Variants in CSKMT observed in about 807,000 individuals in gnomAD.
CSKMT encodes citrate synthase-lysine N-methyltransferase CSKMT, mitochondrial.
Under a neutral mutation model 4.6 loss-of-function variants are expected in CSKMT, and 6 were observed. That is an observed-to-expected ratio of 1.31 (90% confidence interval 0.72 to 2.59). CSKMT has a LOEUF of 2.59. CSKMT is among the 30% of genes most tolerant of loss of function. The pLI is 0.00. For synonymous variants in CSKMT, 142 were observed against 128.9 expected (o/e 1.10, Z -0.69); for missense variants, 328 against 298.0 (o/e 1.10, Z -0.74).
Position 62,666,606 on chromosome 11 carries a change from T to G in CSKMT, c.278T>G (p.Leu93Arg), listed in dbSNP as rs1944820302. 1 of 1,614,174 alleles carries G rather than the reference T, an allele frequency of 6.2e-7. No homozygotes were observed. Among genetic ancestry groups the G allele is most frequent in the Non-Finnish European group, 8.5e-7 (1 of 1,180,028 alleles). ...GGGACTTCCAGCCTATGTACAGGCC[T>G]CTACACCAAATCTCCACACCCAGTG... is the stretch of plus-strand genomic sequence containing the variant. ...GCGTSSLCTG[L>R]YTKSPHPVDV... Residue 93 changes from leucine (L) to arginine (R), a missense_variant, in exon 3 of 3, where the codon CTC becomes CGC. Physicochemically the swap from Leu to Arg is moderately radical, Grantham distance 102 (BLOSUM62 -2). Coordinates refer to ENST00000532971, the MANE Select transcript of CSKMT (RefSeq NM_001043229.2).
In CSKMT at chr11:62,667,149, G is replaced by C. The variant is rs878911903; in HGVS notation, c.*98G>C. On this transcript the variant is annotated 3_prime_UTR_variant, in exon 3 of 3. Coordinates refer to ENST00000532971, the MANE Select transcript of CSKMT (RefSeq NM_001043229.2). ...ATCTGGCTGCAAAGTGAGAATTTGA[G>C]TCCTGGCTTCCACATTTACTAGCTG... is the stretch of plus-strand genomic sequence containing the variant. 8.4e-5 allele frequency: 108 copies of C among 1,289,168 alleles called. 3 individuals carry two copies. The South Asian group carries it at 1.5e-3, about 18-fold the overall frequency. 79.9% of individuals were successfully genotyped at this position (1,289,168 alleles called of 1,614,324 possible). A position where few individuals can be genotyped will look rare whatever the true frequency, so the allele number is the denominator to read the frequency against.
At chr11:62,666,165 T>C (rs901026007) in intron 2 of CSKMT, 29 of 700,200 alleles carry the variant, frequency 4.1e-5, no homozygotes, top group African/African-American at 7.2e-5. Context: ...TAGGGCAACA[T>C]AGCGAGACCC....
rs1565128370 is a variant in CSKMT at position 62,667,061 on chromosome 11, A to G, written c.*10A>G. 1 of 1,582,352 alleles carries G rather than the reference A, an allele frequency of 6.3e-7. No individual in the cohort carries two copies. The highest frequency in any genetic ancestry group is 8.6e-7 in the Non-Finnish European group (1 of 1,164,230). On this transcript the variant is annotated 3_prime_UTR_variant, in exon 3 of 3. Coordinates refer to ENST00000532971, the MANE Select transcript of CSKMT (RefSeq NM_001043229.2). Reference sequence around the variant, plus strand: ...TCAAGGCTCTCATTAAAGACATTTTAGTAGTCCTGACCCTAGTATTTCTGT... The same window carrying G: ...TCAAGGCTCTCATTAAAGACATTTTGGTAGTCCTGACCCTAGTATTTCTGT...
At position 62,667,110 on chromosome 11, in the gene CSKMT, T is replaced by C; in HGVS notation, c.*59T>C. On this transcript the variant is annotated 3_prime_UTR_variant, in exon 3 of 3. Transcript: ENST00000532971. ...GTGGGCAAGGAGAGGGCTGAAGAACTGTCTTTGCAAGCTATCTGGCTGCAA... is the reference window on the plus strand; with the variant it reads ...GTGGGCAAGGAGAGGGCTGAAGAACCGTCTTTGCAAGCTATCTGGCTGCAA... The C allele has an allele frequency of 2.7e-6, 4 of 1,490,822 alleles. No homozygotes were observed. Among genetic ancestry groups the C allele is most frequent in the Non-Finnish European group, 3.6e-6 (4 of 1,110,958 alleles). 92.3% of individuals were successfully genotyped at this position (1,490,822 alleles called of 1,614,324 possible).
rs751735040 is a variant in CSKMT, at chr11:62,666,739, C to T, written c.411C>T (p.Ser137=). 34 of 1,614,048 alleles carry T rather than the reference C, an allele frequency of 2.1e-5. No individual in the cohort carries two copies. The African/African-American group carries it at 3.9e-4, about 18-fold the overall frequency. Residue 137 remains serine, a synonymous_variant, in exon 3 of 3, where the codon AGC becomes AGT. Transcript: ENST00000532971. ...TPLCPGHPAS[S]LHFMHADAQN... is the part of the protein sequence containing the mutation. ...TATGCCCTGGACACCCTGCCTCAAG[C>T]CTCCACTTCATGCACGCCGATGCTC...
intron 2 of CSKMT, 136 bp downstream of exon 2, chr11:62,666,082 T>A: frequency 9.5e-7 from 1 of 1,050,166 alleles, no homozygotes; most frequent in Non-Finnish European, 1.4e-6. Context: ...GCGTGGTGGC[T>A]CACGGCTGTA....
rs1484545855 is a variant in CSKMT at position 62,666,986 on chromosome 11, G to T, written c.658G>T (p.Val220Leu). 1 of 1,614,074 alleles carries T rather than the reference G, an allele frequency of 6.2e-7. No individual in the cohort carries two copies. The highest frequency in any genetic ancestry group is 1.7e-5 in the Admixed American group (1 of 59,998). Residue 220 changes from valine to leucine, a missense_variant, in exon 3 of 3, where the codon GTG becomes TTG. Transcript: ENST00000532971. ...EQGSYGWTVT[V>L]QELGPFRGIT... is the part of the protein sequence containing the mutation. ...AGGGTCCTATGGCTGGACTGTGACT[G>T]TGCAGGAGCTAGGCCCGTTCAGGGG...
In CSKMT at chr11:62,666,316, A is replaced by T. The variant is rs141228885; in HGVS notation, c.68-80A>T. The T allele has an allele frequency of 6.1e-5, 90 of 1,485,830 alleles. No individual in the cohort carries two copies. The East Asian group carries it at 2.0e-3, about 33-fold the overall frequency. 92.0% of individuals were successfully genotyped at this position (1,485,830 alleles called of 1,614,324 possible). ...CAGAGTGAGACCCTGTCTCAAAAAA[A>T]AAAAAGACGCCAGTGTGTATATACG... On this transcript the variant is annotated intron_variant, in intron 2 of 2. Transcript: ENST00000532971.
chr11:62,667,046 C>T lies in CSKMT; in HGVS notation c.718C>T (p.His240Tyr), dbSNP rs1219153677. 3.1e-6 allele frequency: 5 copies of T among 1,593,644 alleles called. No individual in the cohort carries two copies. The highest frequency in any genetic ancestry group is 1.1e-5 in the South Asian group (1 of 88,420). Residue 240 changes from histidine to tyrosine, a missense_variant, in exon 3 of 3, where the codon CAT (histidine) becomes TAT (tyrosine). By Grantham distance (83) the His-to-Tyr change is moderately conservative. Coordinates refer to ENST00000532971, the MANE Select transcript of CSKMT (RefSeq NM_001043229.2). The part of the protein sequence containing the change: ...TYFAYLIQGS[H>Y] ...CTTTGCTTACTTGATTCAAGGCTCTCATTAAAGACATTTTAGTAGTCCTGA... is the reference window on the plus strand; with the variant it reads ...CTTTGCTTACTTGATTCAAGGCTCTTATTAAAGACATTTTAGTAGTCCTGA...
Position 62,667,748 on chromosome 11 carries a change from C to T in CSKMT, c.*697C>T. ...GGGTCCTGTGGGCTCCAAGCCCAGC[C>T]TGGGATGGAGGAAGAGAGGGGACAA... On this transcript the variant is annotated 3_prime_UTR_variant, in exon 3 of 3. Coordinates refer to ENST00000532971, the MANE Select transcript of CSKMT (RefSeq NM_001043229.2). 1.3e-6 allele frequency: 2 copies of T among 1,590,132 alleles called. No homozygotes were observed. The highest frequency in any genetic ancestry group is 1.7e-6 in the Non-Finnish European group (2 of 1,160,630).
rs1281940608 is a variant in CSKMT, at chr11:62,666,446, C to T, written c.118C>T (p.His40Tyr). The stretch of plus-strand genomic sequence containing the variant: ...GGACCGCTGTCTCTGGGATCGGCTG[C>T]ATGCCCAGCCTCGTTTGGGCACTGT... ...LADRCLWDRL[H>Y]AQPRLGTVPT... Residue 40 changes from histidine to tyrosine, a missense_variant, in exon 3 of 3, where the codon CAT (histidine) becomes TAT (tyrosine). By Grantham distance (83) the His-to-Tyr change is moderately conservative (BLOSUM62 2). Coordinates refer to ENST00000532971, the MANE Select transcript of CSKMT (RefSeq NM_001043229.2). The T allele has an allele frequency of 6.2e-7, 1 of 1,613,146 alleles. No homozygotes were observed. The highest frequency in any genetic ancestry group is 8.5e-7 in the Non-Finnish European group (1 of 1,180,024).
chr11:62,665,384 G>T, intron 1 of CSKMT, 52 bp downstream of exon 1: 2 of 1,134,550 alleles, frequency 1.8e-6, no homozygotes, highest in East Asian at 2.4e-5. Context: ...GGAGTGGTGG[G>T]GGTGCCGGGT....
In CSKMT at chr11:62,665,714, CTG is replaced by C. The variant is rs1344777548; in HGVS notation, c.-162_-161del. On this transcript the variant is annotated 5_prime_UTR_variant, in exon 2 of 3. Transcript: ENST00000532971. ...CAATAAAGGCCGTTCCTACCATAGT[CTG>C]TGTCCGCGTTCTTTTTTCCGGGACT... 2.7e-6 allele frequency: 4 copies of C among 1,462,744 alleles called. No homozygotes were observed. The highest frequency in any genetic ancestry group is 5.0e-5 in the East Asian group (2 of 40,360). The allele number at this position is 1,462,744 out of a possible 1,614,324, so 90.6% of individuals were successfully genotyped here.
Position 62,665,945 on chromosome 11 carries a change from G to A in CSKMT, c.66G>A (p.Ala22=). 2 of 1,611,370 alleles carry A rather than the reference G, an allele frequency of 1.2e-6. No individual in the cohort carries two copies. The highest frequency in any genetic ancestry group is 1.7e-6 in the Non-Finnish European group (2 of 1,179,644). Residue 22 remains alanine, a splice_region_variant and synonymous_variant, in exon 2 of 3, where the codon GCG becomes GCA. Coordinates refer to ENST00000532971, the MANE Select transcript of CSKMT (RefSeq NM_001043229.2). Reference sequence around the variant, plus strand: ...TGATGGGGACGTGCCGCCCCTTTGCGGGTAGGGAGGTGGGGGCAGAGTGGA... The same window carrying A: ...TGATGGGGACGTGCCGCCCCTTTGCAGGTAGGGAGGTGGGGGCAGAGTGGA... ...SLMMGTCRPF[A]GSLADSCLAD...
In CSKMT at chr11:62,667,808, A is replaced by C; in HGVS notation, c.*757A>C. 1 of 1,229,538 alleles carries C rather than the reference A, an allele frequency of 8.1e-7. No homozygotes were observed. Among genetic ancestry groups the C allele is most frequent in the Admixed American group, 1.9e-5 (1 of 52,424 alleles). The allele number at this position is 1,229,538 out of a possible 1,614,324, so 76.2% of individuals were successfully genotyped here. On this transcript the variant is annotated 3_prime_UTR_variant, in exon 3 of 3. Transcript: ENST00000532971. Reference sequence around the variant, plus strand: ...TGATATATTATCAAATTACAAAACTAGGCCAGGCATGCTGGCTCATACCTA... The same window carrying C: ...TGATATATTATCAAATTACAAAACTCGGCCAGGCATGCTGGCTCATACCTA...
At chr11:62,666,182 CAA>C (rs1227920592) in intron 2 of CSKMT, 6 of 709,294 alleles carry the variant, frequency 8.5e-6, no homozygotes, top group Non-Finnish European at 1.4e-5. Flanking sequence ...ACCCTGTCTA[CAA>C]AAAAAATTAA....
chr11:62,666,221 A>G, intron 2 of CSKMT, 175 bp from the exon 3 acceptor site: 1 of 758,334 alleles, frequency 1.3e-6, no homozygotes, highest in Non-Finnish European at 2.2e-6. Context: ...CTATAGTCCT[A>G]GCTACTCAGG....
In CSKMT at chr11:62,665,794, C is replaced by A; in HGVS notation, c.-86C>A. ...CTTTCGCTACGCGGAATTTGCAGATCTTCCCCTGGACCTCAGGCCTCTCCG... is the reference window on the plus strand; with the variant it reads ...CTTTCGCTACGCGGAATTTGCAGATATTCCCCTGGACCTCAGGCCTCTCCG... On this transcript the variant is annotated 5_prime_UTR_variant, in exon 2 of 3. Coordinates refer to ENST00000532971, the MANE Select transcript of CSKMT (RefSeq NM_001043229.2). 1.3e-6 allele frequency: 2 copies of A among 1,558,834 alleles called. No individual in the cohort carries two copies. Among genetic ancestry groups the A allele is most frequent in the Non-Finnish European group, 8.7e-7 (1 of 1,148,806 alleles).
At chr11:62,666,145 G>T in intron 2 of CSKMT, 199 bp downstream of exon 2, 1 of 737,234 alleles carries the variant, frequency 1.4e-6, no homozygotes. Flanking sequence ...CCAGGAGTTC[G>T]AGACCAACCT....
Sources: gnomAD v4.1 joint callset for allele counts on GRCh38, gnomAD v4.1.1 for gene constraint, MANE v1.5 for transcripts, NCBI Gene and HGNC (gene_info 2026-07-23, HGNC 2026-07-21) for gene names.